PCSK5: variants seen among roughly 807,000 people sequenced by gnomAD.
PCSK5 encodes the protein prohormone convertase 5.
A neutral mutation model predicts 233.2 loss-of-function variants in PCSK5; 129 were observed. The ratio of observed to expected loss-of-function variants is 0.55; its 90% CI spans 0.48 to 0.64. PCSK5 has a LOEUF of 0.64. Ranked by LOEUF, PCSK5 falls within the 30% of genes least tolerant of loss-of-function variation. PCSK5 has a pLI of 0.00. For synonymous variants in PCSK5, 825 were observed against 879.2 expected (o/e 0.94, Z 1.09); for missense variants, 2,076 against 2,430.1 (o/e 0.85, Z 3.06).
chr9:76,040,374 TCTCTC>T (rs1487379555), intron 5 of PCSK5, among the ~76,000 whole-genome samples: 18 of 72,058 alleles, frequency 2.5e-4, no homozygotes, highest in Admixed American at 2.0e-3. Context: ...TCTCTCTCTC[TCTCTC>T]TCTCTGTCTC....
rs372609908 is a variant in PCSK5, at chr9:75,903,580, A to G, written c.192+12207A>G. Among the ~76,000 whole-genome samples, 93 of 111,970 alleles carry G rather than the reference A, an allele frequency of 8.3e-4. 1 individual carries two copies. Among genetic ancestry groups the G allele is most frequent in the African/African-American group, 2.9e-3 (75 of 25,478 alleles). 73.5% of individuals were successfully genotyped at this position (111,970 alleles called of 152,430 possible). A position where few individuals can be genotyped will look rare whatever the true frequency, so the allele number is the denominator to read the frequency against. On this transcript the variant is annotated intron_variant, in intron 1 of 37. Transcript: ENST00000674117. ...TGTATATATGTGTGTGTGTGTATATATATATATAAAATATATATTATATAT... is the reference window on the plus strand; with the variant it reads ...TGTATATATGTGTGTGTGTGTATATGTATATATAAAATATATATTATATAT...
At chr9:75,957,094 C>T (rs1825128161) in intron 2 of PCSK5, among the ~76,000 whole-genome samples, 1 of 152,074 alleles carries the variant, frequency 6.6e-6, no homozygotes, top group African/African-American at 2.4e-5. Flanking sequence ...TACCCATCAG[C>T]GAGTTATAAG....
chr9:76,113,739 G>C (rs1832316825), intron 9 of PCSK5, among the ~76,000 whole-genome samples: 1 of 152,056 alleles, frequency 6.6e-6, no homozygotes, highest in African/African-American at 2.4e-5. Flanking sequence ...TCTTAGTACT[G>C]ATATCCTGTA....
intron 24 of PCSK5, among the ~76,000 whole-genome samples, chr9:76,256,601 T>G (rs1587810291): frequency 6.6e-6 from 1 of 152,232 alleles, no homozygotes; most frequent in East Asian, 1.9e-4. Context: ...AATAATAACC[T>G]GGAAAATCAT....
intron 2 of PCSK5, among the ~76,000 whole-genome samples, chr9:75,963,834 G>A (rs560097336): frequency 3.3e-5 from 5 of 152,242 alleles, no homozygotes; most frequent in South Asian, 2.1e-4. Flanking sequence ...AGCCGAAATC[G>A]TGCCATTGCA....
intron 24 of PCSK5, among the ~76,000 whole-genome samples, chr9:76,254,668 G>C (rs1826920242): frequency 1.3e-5 from 2 of 152,166 alleles, no homozygotes; most frequent in South Asian, 2.1e-4. Flanking sequence ...AAGTGCTGCT[G>C]TCTCTTGCCT....
At chr9:76,311,844 C>T (rs1828873291) in intron 30 of PCSK5, among the ~76,000 whole-genome samples, 1 of 152,218 alleles carries the variant, frequency 6.6e-6, no homozygotes, top group Non-Finnish European at 1.5e-5. Context: ...GCTGAGCCCA[C>T]ATTACGTGTC....
At chr9:76,119,702 G>T (rs1832561085) in intron 9 of PCSK5, among the ~76,000 whole-genome samples, 1 of 151,952 alleles carries the variant, frequency 6.6e-6, no homozygotes, top group Non-Finnish European at 1.5e-5. Flanking sequence ...GGGTCCATGA[G>T]GTGCTTTGAT....
At chr9:76,218,530 T>C (rs1353121659) in intron 20 of PCSK5, among the ~76,000 whole-genome samples, 1 of 150,608 alleles carries the variant, frequency 6.6e-6, no homozygotes, top group South Asian at 2.1e-4. Context: ...CTGAGACCCC[T>C]AACTACCCTA....
intron 24 of PCSK5, among the ~76,000 whole-genome samples, chr9:76,263,048 C>A (rs1264219187): frequency 6.6e-6 from 1 of 152,084 alleles, no homozygotes. Flanking sequence ...CACTGGCCAT[C>A]AGAGAAATGC....
intron 20 of PCSK5, among the ~76,000 whole-genome samples, chr9:76,199,145 T>G (rs1351810726): frequency 6.6e-6 from 1 of 152,212 alleles, no homozygotes; most frequent in Non-Finnish European, 1.5e-5. Context: ...TAGGTGATTT[T>G]GTCATCATGC....
chr9:76,254,473 TA>T (rs76446171), intron 24 of PCSK5, among the ~76,000 whole-genome samples: 1,569 of 142,740 alleles, frequency 0.011, 9 homozygotes, highest in African/African-American at 0.028. Context: ...AGTCACTATT[TA>T]AAAAAAAAAA....
intron 10 of PCSK5, among the ~76,000 whole-genome samples, chr9:76,156,493 C>T (rs892964832): frequency 6.6e-6 from 1 of 152,180 alleles, no homozygotes; most frequent in Admixed American, 6.5e-5. Context: ...AGAACGTTAG[C>T]ATCTCTTGTA....
At chr9:76,276,675 C>T (rs10119549) in intron 24 of PCSK5, among the ~76,000 whole-genome samples, 3,005 of 152,236 alleles carry the variant, frequency 0.02, 95 homozygotes, top group African/African-American at 0.067. Context: ...CAAGACACGG[C>T]CTCACTAGCC....
chr9:76,120,337 A>C (rs1248601019), intron 9 of PCSK5, among the ~76,000 whole-genome samples: 1 of 152,122 alleles, frequency 6.6e-6, no homozygotes, highest in East Asian at 1.9e-4. Flanking sequence ...TTATTTGTTC[A>C]TATTCCCAGA....
chr9:76,186,416 TTC>T (rs58650976), intron 17 of PCSK5, among the ~76,000 whole-genome samples: 39,964 of 152,066 alleles, frequency 0.26, 6,238 homozygotes, highest in East Asian at 0.52. Context: ...AAATGTAAAA[TTC>T]TGTTTCTTAG....
At chr9:76,137,475 C>T (rs199776944) in intron 10 of PCSK5, among the ~76,000 whole-genome samples, 2 of 145,474 alleles carry the variant, frequency 1.4e-5, no homozygotes, top group South Asian at 2.2e-4. Flanking sequence ...ATAATAATAA[C>T]AATCTCATAG....
At chr9:76,235,146 A>G (rs1281253754) in intron 22 of PCSK5, among the ~76,000 whole-genome samples, 2 of 152,236 alleles carry the variant, frequency 1.3e-5, no homozygotes, top group Admixed American at 6.5e-5. Flanking sequence ...TGGAAGGTTC[A>G]TAATAAATAA....
intron 9 of PCSK5, among the ~76,000 whole-genome samples, chr9:76,130,700 A>G (rs938877588): frequency 6.6e-6 from 1 of 152,164 alleles, no homozygotes; most frequent in African/African-American, 2.4e-5. Context: ...AGTCATGTTC[A>G]TTTCCTTGGT....
Sources: allele counts gnomAD v4.1 joint callset (sites outside exome capture counted in the v4.1 genomes callset), GRCh38; gene constraint gnomAD v4.1.1; transcripts MANE v1.5; gene names NCBI Gene and HGNC (gene_info 2026-07-23, HGNC 2026-07-21).